The following ADGRG4 variants were observed in gnomAD, a reference collection of about 807,000 sequenced individuals.
The protein encoded by ADGRG4 is adhesion G protein-coupled receptor G4, also known as G protein-coupled receptor 112.
ADGRG4 carries 122 observed loss-of-function variants against 126.2 expected under a neutral mutation model. The ratio of observed to expected loss-of-function variants is 0.97; its 90% confidence interval spans 0.83 to 1.12. The LOEUF (loss-of-function observed/expected upper bound fraction) is 1.12, where lower values mean the gene tolerates loss of function less well. ADGRG4 is among the 50% of genes most tolerant of loss of function. The probability of loss-of-function intolerance (pLI) is 0.00; values close to 1 mark genes in which losing one functional copy is unlikely to be tolerated. For synonymous variants in ADGRG4, 943 were observed against 838.7 expected (o/e 1.12, Z -2.15); for missense variants, 2,481 against 2,251.8 (o/e 1.10, Z -2.06).
At position 136,350,263 on chromosome X, in the gene ADGRG4, C is replaced by T. The variant is rs1414228072; in HGVS notation, c.6557C>T (p.Ser2186Phe). 8.3e-7 allele frequency: 1 copy of T among 1,209,519 alleles called. No individual in the cohort carries two copies. The highest frequency in any genetic ancestry group is 2.3e-4 in the Middle Eastern group (1 of 4,345). ...CTTCTAAATATAATGACTACTACAT[C>T]CACTGTTCCTGGAGCCTCATTTCCA... ...DSLLNIMTTT[S>F]TVPGASFPLI... is the part of the protein sequence containing the mutation. The change falls in exon 6 of 26, where the codon TCC becomes TTC. Residue 2186 changes from serine to phenylalanine, a missense_variant. Transcript: ENST00000394143.
At chrX:136,380,529 T>C (rs866209305) in intron 15 of ADGRG4, among the ~76,000 whole-genome samples, 37 of 86,344 alleles carry the variant, frequency 4.3e-4, no homozygotes, top group Admixed American at 3.3e-3. Context: ...CTGCTGCTGC[T>C]GCCTCCTCCT....
At chrX:136,374,037 C>G (rs2075210702) in intron 15 of ADGRG4, among the ~76,000 whole-genome samples, 2 of 112,003 alleles carry the variant, frequency 1.8e-5, no homozygotes, top group Non-Finnish European at 3.8e-5. Flanking sequence ...AGCTCTGAAA[C>G]TACTACCTGC....
intron 4 of ADGRG4, among the ~76,000 whole-genome samples, chrX:136,315,437 A>C (rs774891761): frequency 1.4e-4 from 16 of 111,209 alleles, no homozygotes; most frequent in African/African-American, 5.2e-4. Context: ...GGGTAGTGAC[A>C]CTTCCAAGAT....
At chrX:136,378,745 G>A (rs1261877910) in intron 15 of ADGRG4, among the ~76,000 whole-genome samples, 2 of 111,317 alleles carry the variant, frequency 1.8e-5, no homozygotes, top group Non-Finnish European at 3.8e-5. Flanking sequence ...TGTATCTCTC[G>A]AAGTAATCTT....
Position 136,416,666 on chromosome X carries a change from A to T in ADGRG4, c.*175A>T, listed in dbSNP as rs189135431. Reference sequence around the variant, plus strand: ...GTTCCACCAAAACCTATGGAAATTTAAAAAAAACAAAAATAAAAAGCAAAA... The same window carrying T: ...GTTCCACCAAAACCTATGGAAATTTTAAAAAAACAAAAATAAAAAGCAAAA... On this transcript the variant is annotated 3_prime_UTR_variant, in exon 26 of 26. Coordinates refer to ENST00000394143, the MANE Select transcript of ADGRG4 (RefSeq NM_153834.4). The T allele has an allele frequency of 0.011, 3,591 of 317,557 alleles. 24 individuals are homozygous for T. The highest frequency in any genetic ancestry group is 0.016 in the Non-Finnish European group (2,947 of 183,035). 26.2% of individuals were successfully genotyped at this position (317,557 alleles called of 1,213,427 possible). A position where few individuals can be genotyped will look rare whatever the true frequency, so the allele number is the denominator to read the frequency against.
Position 136,323,214 on chromosome X carries a change from C to T in ADGRG4, c.507C>T (p.Ser169=), listed in dbSNP as rs1179178286. The change falls in exon 5 of 26, where the codon AGC becomes AGT. Residue 169 remains serine (S), a synonymous_variant. Transcript: ENST00000394143. Reference sequence around the variant, plus strand: ...GGCACTTTCTCAAGAATGAGAGCAGCGAGGTTAAAAGCATGATGCGTAGCT... The same window carrying T: ...GGCACTTTCTCAAGAATGAGAGCAGTGAGGTTAAAAGCATGATGCGTAGCT... ...FLGHFLKNES[S]EVKSMMRSFP... The T allele has an allele frequency of 6.6e-6, 8 of 1,209,372 alleles. No individual in the cohort carries two copies. The highest frequency in any genetic ancestry group is 3.0e-5 in the East Asian group (1 of 33,784).
At chrX:136,356,070 T>C in intron 8 of ADGRG4, 56 bp from the exon 9 acceptor site, 1 of 915,634 alleles carries the variant, frequency 1.1e-6, no homozygotes, top group Non-Finnish European at 1.6e-6. Context: ...TCTCATGCCC[T>C]GTATACTTGG....
intron 17 of ADGRG4, among the ~76,000 whole-genome samples, chrX:136,392,891 G>C (rs2075327044): frequency 8.9e-6 from 1 of 111,893 alleles, no homozygotes; most frequent in Non-Finnish European, 1.9e-5. Context: ...CAGTCTAAAA[G>C]ACCATATAGT....
chrX:136,317,499 C>CAAAAAAAAAAAA (rs35736381), intron 4 of ADGRG4, among the ~76,000 whole-genome samples: 42 of 40,575 alleles, frequency 1.0e-3, no homozygotes, highest in Non-Finnish European at 1.2e-3. Flanking sequence ...GACTCCATCT[C>CAAAAAAAAAAAA]AAAAAAAAAA....
chrX:136,405,246 T>C lies in ADGRG4; in HGVS notation c.8655-446T>C, dbSNP rs1358849277. On this transcript the variant is annotated intron_variant, in intron 22 of 25. Coordinates refer to ENST00000394143, the MANE Select transcript of ADGRG4 (RefSeq NM_153834.4). ...ATTCATTGCTCACATCCTTTCACTG[T>C]GATATTTATCATGTAAAGTAGAATT... 5.5e-5 allele frequency among the ~76,000 whole-genome samples: 6 copies of C among 108,355 alleles called. No individual in the cohort carries two copies. In the Admixed American group the frequency reaches 6.0e-4, roughly 11 times the overall value. 94.1% of individuals were successfully genotyped at this position (108,355 alleles called of 115,157 possible). A position where few individuals can be genotyped will look rare whatever the true frequency, so the allele number is the denominator to read the frequency against.
chrX:136,410,443 C>T (rs2075439671), intron 23 of ADGRG4, among the ~76,000 whole-genome samples: 1 of 111,637 alleles, frequency 9.0e-6, no homozygotes, highest in Non-Finnish European at 1.9e-5. Context: ...TCTTTACTTC[C>T]AGTAGTGCTG....
intron 4 of ADGRG4, among the ~76,000 whole-genome samples, chrX:136,316,228 C>T (rs28665957): frequency 0.41 from 45,331 of 109,914 alleles, 6,912 homozygotes; most frequent in Middle Eastern, 0.56. Flanking sequence ...TTGCCCTGAA[C>T]GTAGTGCAGG....
Position 136,345,103 on chromosome X carries a change from C to T in ADGRG4, c.1397C>T (p.Ser466Leu), listed in dbSNP as rs1212868296. Residue 466 changes from serine to leucine, a missense_variant, in exon 6 of 26, where the codon TCA becomes TTA. Coordinates refer to ENST00000394143, the MANE Select transcript of ADGRG4 (RefSeq NM_153834.4). ...TCTACTCATGTTGGGACTGCATCAT[C>T]ATTCCCACCTGAGCCTGTGCTCATC... ...PASTHVGTAS[S>L]FPPEPVLIST... 3 of 1,211,068 alleles carry T rather than the reference C, an allele frequency of 2.5e-6. No homozygotes were observed. The highest frequency in any genetic ancestry group is 2.2e-6 in the Non-Finnish European group (2 of 894,837).
chrX:136,414,879 G>A (rs1167746894), intron 25 of ADGRG4, among the ~76,000 whole-genome samples: 3 of 112,254 alleles, frequency 2.7e-5, no homozygotes, highest in Admixed American at 9.4e-5. Flanking sequence ...ACTCTTAGAT[G>A]CTGAGCTTCT....
chrX:136,381,255 G>A (rs913537158), intron 15 of ADGRG4, among the ~76,000 whole-genome samples: 9 of 110,168 alleles, frequency 8.2e-5, no homozygotes, highest in Non-Finnish European at 1.5e-4. Context: ...CTAAGATATC[G>A]TATTATTATT....
chrX:136,329,359 A>G (rs1209047414), intron 5 of ADGRG4, among the ~76,000 whole-genome samples: 5 of 112,128 alleles, frequency 4.5e-5, no homozygotes, highest in Non-Finnish European at 9.4e-5. Flanking sequence ...CAGCTACTCT[A>G]TACCTCTGTT....
chrX:136,348,286 A>C lies in ADGRG4; in HGVS notation c.4580A>C (p.Lys1527Thr). ...PVNVTAFTSK[K>T]VSDTPPIVIT... is the part of the protein sequence containing the mutation. ...AATGTAACTGCCTTCACCTCCAAAA[A>C]AGTTTCTGACACTCCCCCAATAGTG... Residue 1527 changes from lysine to threonine, a missense_variant, in exon 6 of 26, where the codon AAA (lysine) becomes ACA (threonine). Lys to Thr is a moderately conservative substitution (Grantham distance 78). Transcript: ENST00000394143. 8.3e-7 allele frequency: 1 copy of C among 1,209,720 alleles called. No individual in the cohort carries two copies.
At chrX:136,413,065 T>TC (rs397703287) in intron 24 of ADGRG4, among the ~76,000 whole-genome samples, 3 of 110,336 alleles carry the variant, frequency 2.7e-5, no homozygotes, top group Admixed American at 9.6e-5. Context: ...TTATTTTTTT[T>TC]CTTCCAGTAT....
intron 5 of ADGRG4, among the ~76,000 whole-genome samples, chrX:136,336,361 C>G (rs573742164): frequency 9.0e-6 from 1 of 111,526 alleles, no homozygotes; most frequent in South Asian, 3.7e-4. Context: ...CAACTAAAGT[C>G]TGTTGATTGT....
Sources: gnomAD v4.1 joint callset for allele counts (sites outside exome capture counted in the v4.1 genomes callset) on GRCh38, gnomAD v4.1.1 for gene constraint, MANE v1.5 for transcripts, NCBI Gene and HGNC (gene_info 2026-07-23, HGNC 2026-07-21) for gene names.